IPO5: variants seen among roughly 807,000 people sequenced by gnomAD.
IPO5 encodes importin 5, also known as importin-5.
Under a neutral mutation model 143.3 loss-of-function variants are expected in IPO5, and 18 were observed. The ratio of observed to expected loss-of-function variants is 0.13; its 90% CI spans 0.09 to 0.19. IPO5 has a LOEUF of 0.19. Ranked by LOEUF, IPO5 falls within the 10% of genes least tolerant of loss-of-function variation. The pLI is 1.00. For synonymous variants in IPO5, 477 were observed against 465.7 expected, an observed-to-expected ratio of 1.02 and a Z score of -0.31; for missense variants, 1,013 against 1,336.9, an observed-to-expected ratio of 0.76 and a Z score of 3.78.
chr13:97,969,870 GTT>G, intron 3 of IPO5, 40 bp downstream of exon 3: 1 of 1,525,000 alleles, frequency 6.6e-7, no homozygotes, highest in Non-Finnish European at 9.0e-7. Context: ...TTCCTGTTTT[GTT>G]TTTTTTAAAA....
At chr13:97,977,316 C>G (rs547126296) in intron 4 of IPO5, among the ~76,000 whole-genome samples, 1 of 152,300 alleles carries the variant, frequency 6.6e-6, no homozygotes, top group African/African-American at 2.4e-5. Context: ...TCCCTACTGC[C>G]TTTTTCCATT....
intron 2 of IPO5, chr13:97,960,533 A>G (rs1385769397): frequency 9.3e-6 from 1 of 107,592 alleles, no homozygotes; most frequent in African/African-American, 5.0e-5. Context: ...CATAAAGTCC[A>G]AATTTTACTT....
intron 16 of IPO5, among the ~76,000 whole-genome samples, chr13:98,004,298 C>G (rs1233327901): frequency 2.0e-5 from 3 of 152,176 alleles, no homozygotes; most frequent in African/African-American, 7.2e-5. Context: ...ACAAGAAATG[C>G]AATGTCTCAG....
intron 2 of IPO5, among the ~76,000 whole-genome samples, 177 bp downstream of exon 2, chr13:97,954,375 C>G (rs895821924): frequency 9.9e-5 from 15 of 152,110 alleles, no homozygotes; most frequent in Non-Finnish European, 7.4e-5. Flanking sequence ...GATTATCTAC[C>G]CTGCTTTCCT....
chr13:97,999,281 A>G (rs12865615), intron 12 of IPO5, among the ~76,000 whole-genome samples: 7,509 of 152,290 alleles, frequency 0.049, 459 homozygotes, highest in East Asian at 0.33. Context: ...ATTGTTAAAA[A>G]TGACTGATTT....
chr13:97,958,030 G>C (rs1296834274), intron 2 of IPO5, among the ~76,000 whole-genome samples: 2 of 152,060 alleles, frequency 1.3e-5, no homozygotes, highest in African/African-American at 4.8e-5. Context: ...CTTGCAATCA[G>C]AAAGAAAAAG....
chr13:97,981,348 G>T, intron 4 of IPO5: 1 of 441,354 alleles, frequency 2.3e-6, no homozygotes. Context: ...TTTGAATATG[G>T]TTGGCCTTAG....
At chr13:97,993,374 A>C in intron 11 of IPO5, 149 bp downstream of exon 11, 1 of 677,230 alleles carries the variant, frequency 1.5e-6, no homozygotes, top group South Asian at 1.9e-5. Flanking sequence ...ATCTCAATAC[A>C]TGCAAGCGTG....
Position 98,012,232 on chromosome 13 carries a change from T to A in IPO5, c.2056-14T>A, listed in dbSNP as rs1889777044. On this transcript the variant is annotated splice_polypyrimidine_tract_variant and intron_variant, in intron 20 of 28. Transcript: ENST00000651721. ...AACATGAATCTTTATTTCCTCCCAA[T>A]ACTTTGGTTACAGGTTTGCTATGCT... The A allele has an allele frequency of 6.7e-7, 1 of 1,492,494 alleles. No individual in the cohort carries two copies. The highest frequency in any genetic ancestry group is 9.4e-7 in the Non-Finnish European group (1 of 1,069,294). The allele number at this position is 1,492,494 out of a possible 1,614,324, so 92.5% of individuals were successfully genotyped here.
Position 97,982,554 on chromosome 13 carries a change from G to A in IPO5, c.142G>A (p.Ala48Thr). ...GQSKITFLLQ[A>T]IRNTTAAEEA... is the part of the protein sequence containing the mutation. The stretch of plus-strand genomic sequence containing the variant: ...GTCAAAGATCACATTCCTCTTACAA[G>A]CCATCAGAAATACAACAGCTGCTGA... The change falls in exon 5 of 29, where the codon GCC becomes ACC. Residue 48 changes from alanine (A) to threonine (T), a missense_variant. By Grantham distance (58) the Ala-to-Thr change is moderately conservative (BLOSUM62 0). This residue lies in a region of IPO5 where 328 missense variants were observed against 342.0 expected (regional missense o/e 0.96). Coordinates refer to ENST00000651721, the MANE Select transcript of IPO5 (RefSeq NM_002271.6). 1 of 1,612,064 alleles carries A rather than the reference G, an allele frequency of 6.2e-7. No individual in the cohort carries two copies. The highest frequency in any genetic ancestry group is 8.5e-7 in the Non-Finnish European group (1 of 1,178,578).
At chr13:97,956,432 A>C (rs1884466317) in intron 2 of IPO5, among the ~76,000 whole-genome samples, 1 of 152,192 alleles carries the variant, frequency 6.6e-6, no homozygotes, top group Non-Finnish European at 1.5e-5. Context: ...TTTAATACTA[A>C]TCTTTTAAAT....
chr13:97,962,802 G>C (rs1379086063), intron 2 of IPO5, among the ~76,000 whole-genome samples: 1 of 150,224 alleles, frequency 6.7e-6, no homozygotes, highest in Non-Finnish European at 1.5e-5. Flanking sequence ...CTGGGTGACA[G>C]AGTGAAACTG....
intron 4 of IPO5, 138 bp downstream of exon 4, chr13:97,976,924 G>GT (rs949589769): frequency 6.1e-6 from 1 of 163,386 alleles, no homozygotes; most frequent in African/African-American, 2.4e-5. Context: ...CGCAGCCCAC[G>GT]TGTGAGGCGG....
chr13:98,018,766 C>A, intron 26 of IPO5, 62 bp downstream of exon 26: 1 of 1,201,430 alleles, frequency 8.3e-7, no homozygotes, highest in South Asian at 1.3e-5. Flanking sequence ...CCCTACTTTA[C>A]TCTCTTTACC....
At chr13:97,992,821 A>G in intron 9 of IPO5, 71 bp from the exon 10 acceptor site, 4 of 1,439,044 alleles carry the variant, frequency 2.8e-6, no homozygotes, top group Non-Finnish European at 3.8e-6. Context: ...TCAGCATCTT[A>G]GGAATCTTTT....
chr13:98,010,137 T>C lies in IPO5; in HGVS notation c.1968T>C (p.Gly656=). The C allele has an allele frequency of 6.2e-7, 1 of 1,614,124 alleles. No homozygotes were observed. The highest frequency in any genetic ancestry group is 2.2e-5 in the East Asian group (1 of 44,864). Residue 656 remains glycine, a synonymous_variant, in exon 20 of 29, where the codon GGT becomes GGC. Transcript: ENST00000651721. ...QDMENMSDDD[G]WEFVNLGDQQ... ...TGGAGAATATGAGTGATGATGATGG[T>C]TGGGAATTTGTGAACCTTGGAGATC...
chr13:97,981,483 G>A, intron 4 of IPO5: 1 of 268,928 alleles, frequency 3.7e-6, no homozygotes, highest in South Asian at 3.6e-5. Context: ...AAAGGTTTAA[G>A]CTAGATGTGG....
In IPO5 at chr13:98,008,062, A is replaced by G. The variant is rs747147092; in HGVS notation, c.1720A>G (p.Met574Val). Residue 574 changes from methionine to valine, a missense_variant, in exon 18 of 29, where the codon ATG (methionine) becomes GTG (valine). Met to Val is a conservative substitution (Grantham distance 21, BLOSUM62 1). Around this residue, in one of 2 missense-constraint regions of IPO5, gnomAD observed 685 missense variants for 994.9 expected, o/e 0.69. Coordinates refer to ENST00000651721, the MANE Select transcript of IPO5 (RefSeq NM_002271.6). ...GTCTCTACATATTTTCCTCTAGTTC[A>G]TGCAGGATGCATCAGATGTGATGCA... ...IGLAVGKEKF[M>V]QDASDVMQLL... 6.2e-7 allele frequency: 1 copy of G among 1,600,708 alleles called. No homozygotes were observed. The highest frequency in any genetic ancestry group is 8.6e-7 in the Non-Finnish European group (1 of 1,168,282).
At chr13:98,014,317 A>G in intron 22 of IPO5, 103 bp downstream of exon 22, 1 of 831,768 alleles carries the variant, frequency 1.2e-6, no homozygotes, top group East Asian at 2.8e-5. Flanking sequence ...TTGCTCTGTC[A>G]CCCAGGCTGG....
Sources: gnomAD v4.1 joint callset for allele counts (sites outside exome capture counted in the v4.1 genomes callset) on GRCh38, gnomAD v4.1.1 for gene constraint, gnomAD v4.1.1 regional missense constraint, MANE v1.5 for transcripts, NCBI Gene and HGNC (gene_info 2026-07-23, HGNC 2026-07-21) for gene names.